LRP1B: variants seen among roughly 807,000 people sequenced by gnomAD.
LRP1B encodes the protein low-density lipoprotein receptor-related protein 1B.
LRP1B carries 217 observed loss-of-function variants against 556.6 expected under a neutral mutation model. The observed-to-expected ratio is 0.39, with a 90% CI of 0.35 to 0.44. The LOEUF is 0.44. LRP1B is among the 20% of genes least tolerant of loss of function. The pLI is 1.00. For synonymous variants in LRP1B, 2,047 were observed against 1,865.8 expected (o/e 1.10, Z -2.50); for missense variants, 5,053 against 5,620.8 (o/e 0.90, Z 3.23).
intron 32 of LRP1B, among the ~76,000 whole-genome samples, chr2:140,785,450 C>A (rs1689862093): frequency 6.6e-6 from 1 of 152,076 alleles, no homozygotes; most frequent in Admixed American, 6.6e-5. Flanking sequence ...AATCAGAGAA[C>A]TTCAAGAAAA....
At chr2:141,250,107 CATAATT>C in intron 4 of LRP1B, among the ~76,000 whole-genome samples, 1 of 152,298 alleles carries the variant, frequency 6.6e-6, no homozygotes, top group Non-Finnish European at 1.5e-5. Context: ...ACTGATGTGA[CATAATT>C]AAAATATATC....
At chr2:140,970,714 C>CTTTTTTT (rs571691521) in intron 18 of LRP1B, among the ~76,000 whole-genome samples, 4 of 12,238 alleles carry the variant, frequency 3.3e-4, no homozygotes, top group East Asian at 2.0e-3. Flanking sequence ...ATTTTTTAAC[C>CTTTTTTT]TTTTTTTTTT....
At chr2:141,181,923 T>C (rs1483172772) in intron 7 of LRP1B, among the ~76,000 whole-genome samples, 11 of 151,986 alleles carry the variant, frequency 7.2e-5, no homozygotes, top group Non-Finnish European at 1.2e-4. Flanking sequence ...ATTTATACCT[T>C]TGAATGAGCC....
chr2:141,878,638 A>G (rs1314688410), intron 1 of LRP1B, among the ~76,000 whole-genome samples: 1 of 152,018 alleles, frequency 6.6e-6, no homozygotes, highest in African/African-American at 2.4e-5. Context: ...TATTAAAAGT[A>G]AATAAATTAA....
intron 77 of LRP1B, among the ~76,000 whole-genome samples, chr2:140,343,302 T>G (rs1310356654): frequency 1.3e-5 from 2 of 151,596 alleles, no homozygotes; most frequent in African/African-American, 4.8e-5. Flanking sequence ...TTGCTGATCA[T>G]TTTTTAAAAG....
At chr2:140,263,937 T>C (rs1343683856) in intron 86 of LRP1B, among the ~76,000 whole-genome samples, 1 of 152,130 alleles carries the variant, frequency 6.6e-6, no homozygotes, top group Admixed American at 6.6e-5. Flanking sequence ...ATTCATTAGT[T>C]TGCTATGGCT....
At chr2:142,125,499 A>T (rs1399190833) in intron 1 of LRP1B, among the ~76,000 whole-genome samples, 1 of 151,750 alleles carries the variant, frequency 6.6e-6, no homozygotes, top group Non-Finnish European at 1.5e-5. Context: ...TAGTCCAAAA[A>T]CCAACTTTTA....
At chr2:140,438,574 CTT>C (rs1686291196) in intron 66 of LRP1B, among the ~76,000 whole-genome samples, 1 of 152,128 alleles carries the variant, frequency 6.6e-6, no homozygotes, top group Non-Finnish European at 1.5e-5. Flanking sequence ...TAGGTTCTGT[CTT>C]TTGAGTTGAA....
intron 35 of LRP1B, among the ~76,000 whole-genome samples, chr2:140,748,302 ATATAT>A (rs1688402982): frequency 4.5e-5 from 4 of 88,394 alleles, no homozygotes; most frequent in South Asian, 3.8e-4. Context: ...ATATATATTC[ATATAT>A]TATATTCATA....
At chr2:141,273,222 TCACTTGTACC>T (rs1685155357) in intron 3 of LRP1B, among the ~76,000 whole-genome samples, 1 of 151,540 alleles carries the variant, frequency 6.6e-6, no homozygotes, top group Non-Finnish European at 1.5e-5. Context: ...GGCAAAATAA[TCACTTGTACC>T]CAGGAGGTAG....
chr2:140,534,214 A>G (rs529694814), intron 46 of LRP1B, 74 bp from the exon 47 acceptor site: 1 of 1,355,596 alleles, frequency 7.4e-7, no homozygotes, highest in Admixed American at 2.0e-5. Context: ...ATCACAGATA[A>G]TATTTCATTC....
At chr2:141,454,246 A>G (rs1229479927) in intron 3 of LRP1B, among the ~76,000 whole-genome samples, 2 of 152,230 alleles carry the variant, frequency 1.3e-5, no homozygotes, top group East Asian at 3.9e-4. Context: ...ACCTGTTGAT[A>G]ATGAGTTAGA....
At chr2:140,342,786 A>G (rs1681462594) in intron 77 of LRP1B, among the ~76,000 whole-genome samples, 1 of 151,672 alleles carries the variant, frequency 6.6e-6, no homozygotes, top group Non-Finnish European at 1.5e-5. Flanking sequence ...CCATATACAC[A>G]TAAATGCATT....
intron 2 of LRP1B, among the ~76,000 whole-genome samples, chr2:141,707,601 C>A (rs949367357): frequency 1.3e-5 from 2 of 152,106 alleles, no homozygotes; most frequent in Admixed American, 1.3e-4. Flanking sequence ...GTGTCTGCAC[C>A]ACTGTTGAAA....
intron 1 of LRP1B, among the ~76,000 whole-genome samples, chr2:141,984,620 C>G (rs960363163): frequency 6.6e-6 from 1 of 152,050 alleles, no homozygotes; most frequent in East Asian, 1.9e-4. Flanking sequence ...CTATGCCTAC[C>G]TGGGGTACCT....
chr2:141,033,124 C>T (rs899026450), intron 11 of LRP1B, among the ~76,000 whole-genome samples: 2 of 151,500 alleles, frequency 1.3e-5, no homozygotes, highest in Non-Finnish European at 2.9e-5. Flanking sequence ...CAGAAAACAG[C>T]ACGTGGTAAA....
chr2:141,279,902 T>C (rs1685447035), intron 3 of LRP1B, among the ~76,000 whole-genome samples: 1 of 152,120 alleles, frequency 6.6e-6, no homozygotes, highest in African/African-American at 2.4e-5. Context: ...CTAGTCACTG[T>C]CAATAGAAAA....
chr2:141,055,325 GT>G, intron 9 of LRP1B, 66 bp from the exon 10 acceptor site: 3 of 1,528,664 alleles, frequency 2.0e-6, no homozygotes, highest in Non-Finnish European at 2.7e-6. Flanking sequence ...ATGTGCATCA[GT>G]ATGTCAAAAT....
chr2:141,865,401 G>T (rs1395356919), intron 1 of LRP1B, among the ~76,000 whole-genome samples: 1 of 151,428 alleles, frequency 6.6e-6, no homozygotes, highest in Non-Finnish European at 1.5e-5. Flanking sequence ...GACCATCCCG[G>T]CTAAAACGGT....
Sources: gnomAD v4.1 joint callset for allele counts (sites outside exome capture counted in the v4.1 genomes callset) on GRCh38, gnomAD v4.1.1 for gene constraint, MANE v1.5 for transcripts, NCBI Gene and HGNC (gene_info 2026-07-23, HGNC 2026-07-21) for gene names.